RANBP3L: variants seen among roughly 807,000 people sequenced by gnomAD.
RANBP3L encodes RAN binding protein 3 like, also known as ran-binding protein 3-like.
Under a neutral mutation model 67.2 loss-of-function variants are expected in RANBP3L, and 56 were observed. The ratio of observed to expected loss-of-function variants is 0.83; its 90% CI spans 0.67 to 1.04. The LOEUF (loss-of-function observed/expected upper bound fraction) is 1.04, where lower values mean the gene tolerates loss of function less well. Among genes scored for constraint, RANBP3L ranks in the 50% least tolerant of loss-of-function variants. The pLI is 0.00. For synonymous variants in RANBP3L, 164 were observed against 181.4 expected, an observed-to-expected ratio of 0.90 and a Z score of 0.77; for missense variants, 496 against 535.5, an observed-to-expected ratio of 0.93 and a Z score of 0.73.
At chr5:36,271,658 T>C (rs1007633155) in intron 1 of RANBP3L, among the ~76,000 whole-genome samples, 1 of 152,164 alleles carries the variant, frequency 6.6e-6, no homozygotes, top group Non-Finnish European at 1.5e-5. Context: ...ATAAAAAGTT[T>C]CAATGAGTGA....
Position 36,271,248 on chromosome 5 carries a change from C to T in RANBP3L, c.150+5G>A, listed in dbSNP as rs573027032. 6 of 1,475,504 alleles carry T rather than the reference C, an allele frequency of 4.1e-6. No individual in the cohort carries two copies. The South Asian group carries it at 6.9e-5, about 17-fold the overall frequency. 91.4% of individuals were successfully genotyped at this position (1,475,504 alleles called of 1,614,324 possible). ...AAAATTGAACAAAGAAGTAGTCAAT[C>T]TTACCTTAAAAGTTTGTTCTCCCTT... On this transcript the variant is annotated splice_donor_5th_base_variant and intron_variant, in intron 2 of 13. Coordinates refer to ENST00000296604, the MANE Select transcript of RANBP3L (RefSeq NM_145000.5).
At chr5:36,287,756 T>C (rs1751430252) in intron 1 of RANBP3L, among the ~76,000 whole-genome samples, 1 of 152,308 alleles carries the variant, frequency 6.6e-6, no homozygotes, top group South Asian at 2.1e-4. Context: ...TTGGTGACTA[T>C]GTTATTAATA....
At chr5:36,258,304 G>A (rs1186188908) in intron 8 of RANBP3L, among the ~76,000 whole-genome samples, 1 of 152,170 alleles carries the variant, frequency 6.6e-6, no homozygotes, top group Non-Finnish European at 1.5e-5. Context: ...CTGGAACAAT[G>A]ATACTTAAGA....
At position 36,251,361 on chromosome 5, in the gene RANBP3L, A is replaced by G; in HGVS notation, c.1306T>C (p.Cys436Arg). Residue 436 changes from cysteine to arginine, a missense_variant, in exon 13 of 14, where the codon TGT becomes CGT. Coordinates refer to ENST00000296604, the MANE Select transcript of RANBP3L (RefSeq NM_145000.5). ...ETAQQLNCESCDENEDDFIQV... is the reference protein window; with the variant it reads ...ETAQQLNCESRDENEDDFIQV... ...ATGAAATCATCCTCATTCTCATCAC[A>G]GCTTTCGCAGTTCAATTGTTGGGCT... 6.2e-7 allele frequency: 1 copy of G among 1,613,378 alleles called. No individual in the cohort carries two copies. Among genetic ancestry groups the G allele is most frequent in the East Asian group, 2.2e-5 (1 of 44,854 alleles).
intron 1 of RANBP3L, among the ~76,000 whole-genome samples, chr5:36,274,832 GAA>G (rs1301353369): frequency 6.6e-6 from 1 of 152,064 alleles, no homozygotes; most frequent in Non-Finnish European, 1.5e-5. Context: ...CTAAGTTCTA[GAA>G]AAGAGCTGAT....
At chr5:36,291,494 A>C (rs1307144715) in intron 1 of RANBP3L, among the ~76,000 whole-genome samples, 1 of 151,976 alleles carries the variant, frequency 6.6e-6, no homozygotes, top group Non-Finnish European at 1.5e-5. Flanking sequence ...GGTGCGCTGC[A>C]CCCACTAACT....
chr5:36,271,154 T>C (rs1750179661), intron 2 of RANBP3L, 99 bp downstream of exon 2: 1 of 757,030 alleles, frequency 1.3e-6, no homozygotes, highest in Non-Finnish European at 2.4e-6. Flanking sequence ...AAGAACAGGA[T>C]AAACCTATGC....
chr5:36,265,484 A>G lies in RANBP3L; in HGVS notation c.305T>C (p.Val102Ala). ...KNNVFMTSAL[V>A]QSSVDIKSAE... ...ACTCTTTATATCAACACTACTTTGC[A>G]CAAGAGCTGATGTCATAAAAACATT... Residue 102 changes from valine (V) to alanine (A), a missense_variant, in exon 5 of 14, where the codon GTG becomes GCG. Physicochemically the swap from Val to Ala is moderately conservative, Grantham distance 64. Transcript: ENST00000296604. 1 of 1,606,714 alleles carries G rather than the reference A, an allele frequency of 6.2e-7. No homozygotes were observed. The highest frequency in any genetic ancestry group is 8.5e-7 in the Non-Finnish European group (1 of 1,174,840).
At chr5:36,268,946 A>G (rs1750009720) in intron 4 of RANBP3L, among the ~76,000 whole-genome samples, 1 of 152,112 alleles carries the variant, frequency 6.6e-6, no homozygotes, top group Non-Finnish European at 1.5e-5. Flanking sequence ...TCCAGACCTC[A>G]TGGTCTGTCC....
chr5:36,280,952 A>T (rs183198897), intron 1 of RANBP3L, among the ~76,000 whole-genome samples: 129 of 152,326 alleles, frequency 8.5e-4, no homozygotes, highest in South Asian at 1.4e-3. Flanking sequence ...GAAAAGTTAG[A>T]TCTGGCTGAT....
At chr5:36,283,413 A>AAC (rs1554018951) in intron 1 of RANBP3L, among the ~76,000 whole-genome samples, 3 of 151,204 alleles carry the variant, frequency 2.0e-5, no homozygotes, top group Non-Finnish European at 4.4e-5. Context: ...AAAAAAAAAA[A>AAC]CACCAAAATT....
intron 4 of RANBP3L, among the ~76,000 whole-genome samples, chr5:36,265,752 C>T (rs1434642084): frequency 6.6e-6 from 1 of 152,096 alleles, no homozygotes; most frequent in African/African-American, 2.4e-5. Context: ...GCGGGTGGAT[C>T]ACCTGAGGTC....
intron 1 of RANBP3L, among the ~76,000 whole-genome samples, chr5:36,288,185 C>A (rs1561137234): frequency 1.3e-5 from 2 of 152,188 alleles, no homozygotes; most frequent in Non-Finnish European, 1.5e-5. Flanking sequence ...TGGGCAACAA[C>A]TGTTCTGATG....
chr5:36,292,594 G>A (rs1410551435), intron 1 of RANBP3L, among the ~76,000 whole-genome samples: 1 of 152,102 alleles, frequency 6.6e-6, no homozygotes, highest in Non-Finnish European at 1.5e-5. Flanking sequence ...GTAAGGAAGG[G>A]ACCCAGTTTC....
intron 1 of RANBP3L, among the ~76,000 whole-genome samples, chr5:36,275,782 G>A (rs995364928): frequency 6.6e-6 from 1 of 152,122 alleles, no homozygotes; most frequent in African/African-American, 2.4e-5. Context: ...TGGAGATACG[G>A]AGATTAATGC....
intron 1 of RANBP3L, among the ~76,000 whole-genome samples, chr5:36,298,123 A>AC (rs1752358586): frequency 6.6e-6 from 1 of 151,574 alleles, no homozygotes; most frequent in African/African-American, 2.4e-5. Context: ...ATATGGTGAA[A>AC]CCCCCGTCTC....
At chr5:36,261,864 T>C in intron 7 of RANBP3L, 75 bp downstream of exon 7, 1 of 739,800 alleles carries the variant, frequency 1.4e-6, no homozygotes, top group Non-Finnish European at 2.3e-6. Context: ...CAGAAAATTA[T>C]TTTCCATGAA....
At chr5:36,297,775 G>C (rs1232136789) in intron 1 of RANBP3L, among the ~76,000 whole-genome samples, 1 of 152,192 alleles carries the variant, frequency 6.6e-6, no homozygotes, top group Non-Finnish European at 1.5e-5. Context: ...GACTGATAGA[G>C]CATTTGTTGT....
intron 1 of RANBP3L, among the ~76,000 whole-genome samples, chr5:36,285,594 A>C (rs1751264736): frequency 2.0e-5 from 3 of 152,316 alleles, no homozygotes; most frequent in South Asian, 4.1e-4. Flanking sequence ...TCACAGTTGT[A>C]ATTGACTTTA....
Sources: allele counts gnomAD v4.1 joint callset (sites outside exome capture counted in the v4.1 genomes callset), GRCh38; gene constraint gnomAD v4.1.1; transcripts MANE v1.5; gene names NCBI Gene and HGNC (gene_info 2026-07-23, HGNC 2026-07-21).